WDR64: variants seen among roughly 807,000 people sequenced by gnomAD.
WDR64 encodes the protein WD repeat-containing protein 64.
In WDR64, 112 loss-of-function variants were observed where a neutral mutation model predicts 139.3. The ratio of observed to expected loss-of-function variants is 0.80; its 90% CI spans 0.69 to 0.94. The LOEUF (loss-of-function observed/expected upper bound fraction) is 0.94. WDR64 is among the 40% of genes least tolerant of loss of function. The pLI is 0.00. For missense variants in WDR64, 1,206 were observed against 1,293.1 expected, an observed-to-expected ratio of 0.93 and a Z score of 1.03; for synonymous variants, 444 against 437.7, an observed-to-expected ratio of 1.01 and a Z score of -0.18.
chr1:241,674,880 T>TCCTCCC (rs1666416573), intron 4 of WDR64, 133 bp downstream of exon 4: 3 of 124,198 alleles, frequency 2.4e-5, no homozygotes, highest in African/African-American at 1.0e-4. Context: ...CTTTCTTTCT[T>TCCTCCC]TCCTTCTTGC....
intron 15 of WDR64, among the ~76,000 whole-genome samples, chr1:241,762,030 T>C (rs1657929759): frequency 6.6e-6 from 1 of 152,226 alleles, no homozygotes; most frequent in Admixed American, 6.5e-5. Context: ...GAATCACAAA[T>C]GTCTTAATGG....
Position 241,725,569 on chromosome 1 carries a change from T to A in WDR64, c.1194+2133T>A, listed in dbSNP as rs182951170. 4.8e-3 allele frequency among the ~76,000 whole-genome samples: 725 copies of A among 152,240 alleles called. 11 individuals carry two copies. Among genetic ancestry groups the A allele is most frequent in the African/African-American group, 0.017 (711 of 41,528 alleles). On this transcript the variant is annotated intron_variant, in intron 10 of 27. Coordinates refer to ENST00000437684, the MANE Select transcript of WDR64 (RefSeq NM_001367482.1). ...CTCCCTGGAGCCCATGCTTGCCATG[T>A]GCAACCACAAGGGAAAGACTCTAAG...
At chr1:241,731,683 C>T (rs1455168542) in intron 10 of WDR64, among the ~76,000 whole-genome samples, 1 of 152,120 alleles carries the variant, frequency 6.6e-6, no homozygotes, top group Non-Finnish European at 1.5e-5. Flanking sequence ...CTGTTTGAAT[C>T]TGTGTACTAG....
At chr1:241,707,793 A>G (rs931033769) in intron 8 of WDR64, among the ~76,000 whole-genome samples, 2 of 151,886 alleles carry the variant, frequency 1.3e-5, no homozygotes, top group African/African-American at 4.9e-5. Flanking sequence ...TAAGATTTTA[A>G]GAATGGAAGA....
At chr1:241,712,673 T>A (rs1668220671) in intron 9 of WDR64, among the ~76,000 whole-genome samples, 1 of 152,156 alleles carries the variant, frequency 6.6e-6, no homozygotes, top group African/African-American at 2.4e-5. Flanking sequence ...TACCTACCCA[T>A]AATGTTATTA....
Position 241,784,953 on chromosome 1 carries a change from G to GGAAAAAAAAAAAAAAAAAAAAA in WDR64, c.2705+1572_2705+1573insGAAAAAAAAAAAAAAAAAAAAA, listed in dbSNP as rs766802128. 1.6e-4 allele frequency among the ~76,000 whole-genome samples: 10 copies of GGAAAAAAAAAAAAAAAAAAAAA among 62,246 alleles called. 2 individuals carry two copies. Among genetic ancestry groups the GGAAAAAAAAAAAAAAAAAAAAA allele is most frequent in the African/African-American group, 2.7e-4 (5 of 18,462 alleles). The allele number at this position is 62,246 out of a possible 152,430, so 40.8% of individuals were successfully genotyped here. A position where few individuals can be genotyped will look rare whatever the true frequency, so the allele number is the denominator to read the frequency against. ...TGGGCGACAGAGTGAGACTCTGTCT[G>GGAAAAAAAAAAAAAAAAAAAAA]AAAAAAAAAAAAAAAAAAAAAAAGA... On this transcript the variant is annotated intron_variant, in intron 23 of 27. Coordinates refer to ENST00000437684, the MANE Select transcript of WDR64 (RefSeq NM_001367482.1).
chr1:241,793,516 T>C (rs552300487), intron 25 of WDR64, among the ~76,000 whole-genome samples: 8 of 152,398 alleles, frequency 5.2e-5, no homozygotes, highest in African/African-American at 1.9e-4. Context: ...TATATCATTA[T>C]TCTTTAACAG....
intron 9 of WDR64, among the ~76,000 whole-genome samples, chr1:241,716,793 G>A (rs925048250): frequency 6.6e-6 from 1 of 152,078 alleles, no homozygotes; most frequent in African/African-American, 2.4e-5. Flanking sequence ...TCCAAGCAAC[G>A]AAAGCAAGCA....
At chr1:241,668,510 A>C (rs1489021609) in intron 2 of WDR64, among the ~76,000 whole-genome samples, 1 of 152,194 alleles carries the variant, frequency 6.6e-6, no homozygotes, top group Non-Finnish European at 1.5e-5. Flanking sequence ...TGTAGGAGTC[A>C]TATAACTTTC....
chr1:241,702,354 A>G (rs143282927), intron 8 of WDR64, among the ~76,000 whole-genome samples: 1 of 152,268 alleles, frequency 6.6e-6, no homozygotes, highest in Non-Finnish European at 1.5e-5. Context: ...TTCTTACCTC[A>G]GTTTCCCCAT....
intron 10 of WDR64, among the ~76,000 whole-genome samples, chr1:241,736,032 C>T (rs74993047): frequency 0.035 from 5,385 of 152,146 alleles, 319 homozygotes; most frequent in African/African-American, 0.12. Context: ...CCTCACTGGT[C>T]TCATATCTTT....
intron 27 of WDR64, among the ~76,000 whole-genome samples, chr1:241,796,685 G>A (rs1659376917): frequency 6.6e-6 from 1 of 152,034 alleles, no homozygotes. Flanking sequence ...GTAGAGATGG[G>A]GTTTCGCCTT....
rs1665626951 is a variant in WDR64, at chr1:241,656,921, G to T, written c.146-3609G>T. Among the ~76,000 whole-genome samples the T allele has an allele frequency of 8.1e-6, 1 of 123,148 alleles. No homozygotes were observed. Among genetic ancestry groups the T allele is most frequent in the Admixed American group, 8.0e-5 (1 of 12,576 alleles). 80.8% of individuals were successfully genotyped at this position (123,148 alleles called of 152,430 possible). A position where few individuals can be genotyped will look rare whatever the true frequency, so the allele number is the denominator to read the frequency against. On this transcript the variant is annotated intron_variant, in intron 1 of 27. Coordinates refer to ENST00000437684, the MANE Select transcript of WDR64 (RefSeq NM_001367482.1). This position sits in a 1 kb window ranked among gnomAD's most constrained non-coding sequence, Gnocchi z 4.3. The stretch of plus-strand genomic sequence containing the variant: ...GTGTGTGTGTGTGTGTCTGTCTGGG[G>T]ATGGAGGTGAGGTGCAAAATCTCCC...
intron 10 of WDR64, among the ~76,000 whole-genome samples, chr1:241,734,802 T>C (rs1262477518): frequency 1.3e-5 from 2 of 152,180 alleles, no homozygotes; most frequent in South Asian, 2.1e-4. Flanking sequence ...CTGTCAACGA[T>C]GGACTGCATA....
intron 13 of WDR64, among the ~76,000 whole-genome samples, chr1:241,746,771 T>A (rs1669775623): frequency 6.6e-6 from 1 of 151,792 alleles, no homozygotes; most frequent in Admixed American, 6.6e-5. Flanking sequence ...CTTTTTTTTT[T>A]TTTTGTGATG....
At chr1:241,717,620 GAA>G (rs11346840) in intron 9 of WDR64, among the ~76,000 whole-genome samples, 3 of 143,312 alleles carry the variant, frequency 2.1e-5, no homozygotes, top group Admixed American at 7.0e-5. Flanking sequence ...ACGCAGAAAA[GAA>G]AAAAAAAAGA....
chr1:241,716,686 G>A (rs1668416512), intron 9 of WDR64, among the ~76,000 whole-genome samples: 1 of 151,992 alleles, frequency 6.6e-6, no homozygotes, highest in Non-Finnish European at 1.5e-5. Flanking sequence ...TGGCGATGGT[G>A]ATAATAATAC....
At chr1:241,729,239 T>G (rs1044545444) in intron 10 of WDR64, among the ~76,000 whole-genome samples, 2 of 152,158 alleles carry the variant, frequency 1.3e-5, no homozygotes, top group African/African-American at 4.8e-5. Context: ...AGTCATGGCC[T>G]TAGTTCAGAC....
At chr1:241,676,351 T>G (rs1312633619) in intron 4 of WDR64, 1 of 152,376 alleles carries the variant, frequency 6.6e-6, no homozygotes, top group East Asian at 1.9e-4. Flanking sequence ...TTAGCATCAT[T>G]AGAGTTCCTC....
Sources: allele counts gnomAD v4.1 joint callset (sites outside exome capture counted in the v4.1 genomes callset), GRCh38; gene constraint gnomAD v4.1.1; non-coding constraint Gnocchi (gnomAD v3.1); transcripts MANE v1.5; gene names NCBI Gene and HGNC (gene_info 2026-07-23, HGNC 2026-07-21).